The following CXCL17 variants were observed in gnomAD, a reference collection of about 807,000 sequenced individuals.
CXCL17 encodes C-X-C motif chemokine 17.
Under a neutral mutation model 15.5 loss-of-function variants are expected in CXCL17, and 9 were observed. The ratio of observed to expected loss-of-function variants is 0.58; its 90% confidence interval spans 0.35 to 1.01. The LOEUF is 1.01. Among genes scored for constraint, CXCL17 ranks in the 50% least tolerant of loss-of-function variants. The pLI, the probability that CXCL17 is intolerant of heterozygous loss-of-function variation, is 0.02. For missense variants in CXCL17, 133 were observed against 138.2 expected (o/e 0.96, Z 0.19); for synonymous variants, 52 against 52.3 (o/e 0.99, Z 0.02).
At chr19:42,442,229 CTTTTTTTTTT>C (rs10527944) in intron 1 of CXCL17, among the ~76,000 whole-genome samples, 112 of 122,104 alleles carry the variant, frequency 9.2e-4, no homozygotes, top group Middle Eastern at 5.4e-3. Flanking sequence ...CTTTTCTTTC[CTTTTTTTTTT>C]TTTTTTTTTT....
intron 3 of CXCL17, among the ~76,000 whole-genome samples, chr19:42,431,968 C>G (rs984973500): frequency 1.3e-5 from 2 of 152,050 alleles, no homozygotes; most frequent in Non-Finnish European, 2.9e-5. Flanking sequence ...AGCATCCATG[C>G]TAGTATTCCA....
chr19:42,438,951 C>CAAAT (rs1018126439), intron 1 of CXCL17, among the ~76,000 whole-genome samples: 6 of 152,036 alleles, frequency 3.9e-5, no homozygotes, highest in African/African-American at 9.6e-5. Flanking sequence ...AATAACTGAA[C>CAAAT]AAATAAATAA....
chr19:42,432,941 T>G, intron 3 of CXCL17, 35 bp downstream of exon 3: 7 of 1,507,278 alleles, frequency 4.6e-6, no homozygotes, highest in Non-Finnish European at 6.5e-6. Flanking sequence ...ACGGAGTGAC[T>G]CTGGTATAAG....
intron 1 of CXCL17, among the ~76,000 whole-genome samples, chr19:42,439,763 G>A (rs1398819753): frequency 6.6e-6 from 1 of 152,110 alleles, no homozygotes; most frequent in East Asian, 1.9e-4. Flanking sequence ...CAAAACAACT[G>A]GCTAGAACTC....
At chr19:42,438,390 A>G (rs2040856663) in intron 1 of CXCL17, among the ~76,000 whole-genome samples, 1 of 107,582 alleles carries the variant, frequency 9.3e-6, no homozygotes, top group Non-Finnish European at 1.7e-5. Flanking sequence ...AAATATATAT[A>G]TATATATATA....
chr19:42,440,582 A>G lies in CXCL17; in HGVS notation c.79+2172T>C, dbSNP rs17797351. 1.6e-3 allele frequency among the ~76,000 whole-genome samples: 246 copies of G among 152,338 alleles called. 4 individuals are homozygous for G. In the East Asian group the frequency reaches 0.042, roughly 26 times the overall value. ...TTTAGGAGCGACTTAGAAACTACTC[A>G]GTCCATTTATTAAACCCTTTCTAGG... On this transcript the variant is annotated intron_variant, in intron 1 of 3. Transcript: ENST00000601181.
At chr19:42,433,982 TC>T (rs2147695564) in intron 1 of CXCL17, 126 bp from the exon 2 acceptor site, 1 of 646,434 alleles carries the variant, frequency 1.5e-6, no homozygotes, top group South Asian at 1.8e-5. Context: ...CTAGGTTACT[TC>T]AAGAGATGAA....
At position 42,431,915 on chromosome 19, in the gene CXCL17, A is replaced by T. The variant is rs570327141; in HGVS notation, c.262+1061T>A. 3.3e-5 allele frequency among the ~76,000 whole-genome samples: 5 copies of T among 151,842 alleles called. No individual in the cohort carries two copies. The South Asian group carries it at 1.0e-3, about 32-fold the overall frequency. On this transcript the variant is annotated intron_variant, in intron 3 of 3. Coordinates refer to ENST00000601181, the MANE Select transcript of CXCL17 (RefSeq NM_198477.3). ...GAAAATTTCCCCCATTTATTTGTCAATACAAATACTGCTATAATTAATATT... is the reference window on the plus strand; with the variant it reads ...GAAAATTTCCCCCATTTATTTGTCATTACAAATACTGCTATAATTAATATT...
intron 1 of CXCL17, among the ~76,000 whole-genome samples, chr19:42,440,430 G>A (rs1323355180): frequency 6.6e-6 from 1 of 152,140 alleles, no homozygotes; most frequent in Non-Finnish European, 1.5e-5. Context: ...TCAGACTCAG[G>A]CCTGCACTGC....
intron 1 of CXCL17, among the ~76,000 whole-genome samples, chr19:42,435,707 G>C (rs1018627270): frequency 1.3e-5 from 2 of 151,974 alleles, no homozygotes; most frequent in African/African-American, 4.8e-5. Context: ...GCGCGTGCCT[G>C]TAGTCCCAGC....
rs377481130 is a variant in CXCL17, at chr19:42,442,723, C to T, written c.79+31G>A. The T allele has an allele frequency of 1.0e-4, 153 of 1,537,528 alleles. 2 individuals carry two copies. In the South Asian group the frequency reaches 1.2e-3, roughly 12 times the overall value. ...GCCTGTTTTGCCACATTTCTCCCCC[C>T]GTTTTCCCCTTCATAGACAGTCTTG... On this transcript the variant is annotated intron_variant, in intron 1 of 3. Coordinates refer to ENST00000601181, the MANE Select transcript of CXCL17 (RefSeq NM_198477.3).
intron 2 of CXCL17, among the ~76,000 whole-genome samples, chr19:42,433,422 G>C (rs1440546965): frequency 6.6e-6 from 1 of 152,172 alleles, no homozygotes; most frequent in Admixed American, 6.5e-5. Flanking sequence ...TTGCCTCTCT[G>C]CTTTCAGTCT....
chr19:42,439,592 T>G (rs2040872099), intron 1 of CXCL17, among the ~76,000 whole-genome samples: 2 of 152,208 alleles, frequency 1.3e-5, no homozygotes, highest in Non-Finnish European at 2.9e-5. Flanking sequence ...AGACACCACC[T>G]GAACCAAGTG....
At chr19:42,430,317 CG>C (rs2040765314) in intron 3 of CXCL17, among the ~76,000 whole-genome samples, 1 of 151,996 alleles carries the variant, frequency 6.6e-6, no homozygotes, top group African/African-American at 2.4e-5. Flanking sequence ...ATATTGTGTC[CG>C]GGCACGGTGG....
chr19:42,433,512 C>T (rs1471753751), intron 2 of CXCL17, among the ~76,000 whole-genome samples: 2 of 152,154 alleles, frequency 1.3e-5, no homozygotes, highest in Non-Finnish European at 1.5e-5. Flanking sequence ...GGCTTTTGGA[C>T]GGTAGCTCTG....
intron 1 of CXCL17, among the ~76,000 whole-genome samples, chr19:42,434,421 G>T (rs567488849): frequency 2.0e-5 from 3 of 152,078 alleles, no homozygotes; most frequent in Non-Finnish European, 2.9e-5. Context: ...AAGTTGCTGG[G>T]TTTTTTGTTT....
In CXCL17 at chr19:42,442,454, C is replaced by T. The variant is rs575746121; in HGVS notation, c.79+300G>A. ...TTCACCGTGTTAGCCAGGATGGTCT[C>T]GATCTCCTGACCTTGTAATCCGCCC... On this transcript the variant is annotated intron_variant, in intron 1 of 3. Coordinates refer to ENST00000601181, the MANE Select transcript of CXCL17 (RefSeq NM_198477.3). Among the ~76,000 whole-genome samples, 326 of 152,062 alleles carry T rather than the reference C, an allele frequency of 2.1e-3. 2 individuals carry two copies. Among genetic ancestry groups the T allele is most frequent in the Middle Eastern group, 3.4e-3 (1 of 294 alleles).
chr19:42,442,661 C>T (rs1391721648), intron 1 of CXCL17, 93 bp downstream of exon 1: 9 of 878,374 alleles, frequency 1.0e-5, no homozygotes, highest in Non-Finnish European at 1.3e-5. Context: ...GCCCCATCCC[C>T]CATAGCTAAG....
At chr19:42,440,421 C>T (rs954838042) in intron 1 of CXCL17, among the ~76,000 whole-genome samples, 1 of 152,128 alleles carries the variant, frequency 6.6e-6, no homozygotes, top group Non-Finnish European at 1.5e-5. Flanking sequence ...CTAAGTAGCT[C>T]AGACTCAGGC....
Sources: allele counts gnomAD v4.1 joint callset (sites outside exome capture counted in the v4.1 genomes callset), GRCh38; gene constraint gnomAD v4.1.1; transcripts MANE v1.5; gene names NCBI Gene and HGNC (gene_info 2026-07-23, HGNC 2026-07-21).